The following RNF144A variants were observed in gnomAD, a reference collection of about 807,000 sequenced individuals.
RNF144A encodes ring finger protein 144A.
Under a neutral mutation model 38.7 loss-of-function variants are expected in RNF144A, and 11 were observed. The ratio of observed to expected loss-of-function variants is 0.28; its 90% CI spans 0.18 to 0.47. RNF144A has a LOEUF of 0.47. Ranked by LOEUF, RNF144A falls within the 20% of genes least tolerant of loss-of-function variation. The probability of loss-of-function intolerance (pLI) is 0.99; values close to 1 mark genes in which losing one functional copy is unlikely to be tolerated. For synonymous variants in RNF144A, 149 were observed against 143.9 expected, an observed-to-expected ratio of 1.04 and a Z score of -0.25; for missense variants, 316 against 377.2, an observed-to-expected ratio of 0.84 and a Z score of 1.34.
At position 7,043,717 on chromosome 2, in the gene RNF144A, A is replaced by G. The variant is rs892394962; in HGVS notation, c.*3957A>G. 2 of 985,620 alleles carry G rather than the reference A, an allele frequency of 2.0e-6. No individual in the cohort carries two copies. Among genetic ancestry groups the G allele is most frequent in the Admixed American group, 1.2e-4 (2 of 16,256 alleles). The allele number at this position is 985,620 out of a possible 1,614,324, so 61.1% of individuals were successfully genotyped here. On this transcript the variant is annotated 3_prime_UTR_variant, in exon 9 of 9. Transcript: ENST00000320892. ...AGCATGCCGTCTTGATGTTTAAAAA[A>G]CCCAGGGTCTCCACCCTTCCTTTGA...
At chr2:7,018,500 C>T (rs1160216044) in intron 5 of RNF144A, among the ~76,000 whole-genome samples, 1 of 152,208 alleles carries the variant, frequency 6.6e-6, no homozygotes, top group East Asian at 1.9e-4. Context: ...CACTGCTCAG[C>T]GTGGCGCTCA....
intron 7 of RNF144A, among the ~76,000 whole-genome samples, chr2:7,028,616 G>A (rs181056088): frequency 3.9e-5 from 6 of 152,324 alleles, no homozygotes; most frequent in African/African-American, 9.6e-5. Context: ...CATTGTGAGA[G>A]GCAGTCTGGA....
At chr2:6,925,728 G>A (rs1298238260) in intron 1 of RNF144A, among the ~76,000 whole-genome samples, 1 of 152,184 alleles carries the variant, frequency 6.6e-6, no homozygotes, top group Non-Finnish European at 1.5e-5. Flanking sequence ...CTTCAGTCAT[G>A]TTGGATTAGG....
At chr2:6,945,338 C>A (rs988352482) in intron 2 of RNF144A, among the ~76,000 whole-genome samples, 1 of 151,838 alleles carries the variant, frequency 6.6e-6, no homozygotes, top group Non-Finnish European at 1.5e-5. Flanking sequence ...GGTATTGTTA[C>A]AATCAATCAT....
chr2:6,987,703 G>C (rs191808913), intron 2 of RNF144A, among the ~76,000 whole-genome samples: 34 of 152,288 alleles, frequency 2.2e-4, no homozygotes, highest in Non-Finnish European at 4.1e-4. Flanking sequence ...TGTTTCTCTA[G>C]TGAATTTGTC....
chr2:6,927,462 C>A (rs182216021), intron 1 of RNF144A, among the ~76,000 whole-genome samples: 6 of 152,352 alleles, frequency 3.9e-5, no homozygotes, highest in Middle Eastern at 6.8e-3. Flanking sequence ...CCAGCCTAGG[C>A]GACTGATCAG....
At chr2:6,924,981 A>C (rs1358674981) in intron 1 of RNF144A, among the ~76,000 whole-genome samples, 2 of 152,054 alleles carry the variant, frequency 1.3e-5, no homozygotes, top group Admixed American at 1.3e-4. Flanking sequence ...TCTTTGACGG[A>C]TGGAGAATGT....
At chr2:6,965,293 G>A (rs1215528623) in intron 2 of RNF144A, among the ~76,000 whole-genome samples, 1 of 152,184 alleles carries the variant, frequency 6.6e-6, no homozygotes, top group Non-Finnish European at 1.5e-5. Context: ...TGAGGAGGGT[G>A]TGTCGGAGGC....
downstream of RNF144A, among the ~76,000 whole-genome samples, chr2:7,071,352 T>G (rs1656999694): frequency 6.6e-6 from 1 of 152,194 alleles, no homozygotes; most frequent in African/African-American, 2.4e-5. Flanking sequence ...TGGGAGGCAC[T>G]GCAGAGTTCC....
intron 7 of RNF144A, among the ~76,000 whole-genome samples, chr2:7,025,015 T>G (rs906388584): frequency 6.6e-6 from 1 of 152,150 alleles, no homozygotes. Context: ...GCTGTTGGGC[T>G]TGGGGCCAGT....
Position 7,042,507 on chromosome 2 carries a change from G to A in RNF144A, c.*2747G>A, listed in dbSNP as rs1052079226. On this transcript the variant is annotated 3_prime_UTR_variant, in exon 9 of 9. Coordinates refer to ENST00000320892, the MANE Select transcript of RNF144A (RefSeq NM_014746.6). Reference sequence around the variant, plus strand: ...CGAAGGCCCTTAGACAACCATGGCTGCTGTACTGCCGCCCAGGGTGGGTGG... The same window carrying A: ...CGAAGGCCCTTAGACAACCATGGCTACTGTACTGCCGCCCAGGGTGGGTGG... 18 of 985,420 alleles carry A rather than the reference G, an allele frequency of 1.8e-5. No homozygotes were observed. The African/African-American group carries it at 2.8e-4, about 15-fold the overall frequency. 61.0% of individuals were successfully genotyped at this position (985,420 alleles called of 1,614,324 possible).
At chr2:6,935,558 GTAACAGCAT>G (rs937117796) in intron 1 of RNF144A, among the ~76,000 whole-genome samples, 14 of 152,076 alleles carry the variant, frequency 9.2e-5, no homozygotes, top group African/African-American at 3.1e-4. Flanking sequence ...AGTGTTAATG[GTAACAGCAT>G]GTAGATGGGA....
intron 3 of RNF144A, among the ~76,000 whole-genome samples, chr2:7,004,004 C>G (rs1364500369): frequency 1.3e-5 from 2 of 152,214 alleles, no homozygotes; most frequent in Non-Finnish European, 2.9e-5. Context: ...GAATGGGGAA[C>G]CTTGGGCAAG....
chr2:7,053,283 AG>A (rs1673599119), intron 6 of RNF144A, among the ~76,000 whole-genome samples: 1 of 152,346 alleles, frequency 6.6e-6, no homozygotes, highest in East Asian at 1.9e-4. Context: ...GATTTTCAGA[AG>A]ATCCCCAGGT....
chr2:7,043,779 C>T lies in RNF144A; in HGVS notation c.*4019C>T. The T allele has an allele frequency of 1.0e-6, 1 of 985,872 alleles. No homozygotes were observed. The highest frequency in any genetic ancestry group is 1.7e-5 in the African/African-American group (1 of 57,366). The allele number at this position is 985,872 out of a possible 1,614,324, so 61.1% of individuals were successfully genotyped here. A position where few individuals can be genotyped will look rare whatever the true frequency, so the allele number is the denominator to read the frequency against. ...CTGTCTTCCACAGTTCCGGAGCCTT[C>T]AGTGAGGGGTAGCTACATGCCCCAT... On this transcript the variant is annotated 3_prime_UTR_variant, in exon 9 of 9. Transcript: ENST00000320892.
In RNF144A at chr2:7,041,608, C is replaced by T. The variant is rs995059819; in HGVS notation, c.*1848C>T. The T allele has an allele frequency of 1.8e-5, 18 of 985,754 alleles. No individual in the cohort carries two copies. Among genetic ancestry groups the T allele is most frequent in the Middle Eastern group, 5.2e-4 (1 of 1,938 alleles). 61.1% of individuals were successfully genotyped at this position (985,754 alleles called of 1,614,324 possible). On this transcript the variant is annotated 3_prime_UTR_variant, in exon 9 of 9. Transcript: ENST00000320892. The stretch of plus-strand genomic sequence containing the variant: ...TCTGGAGGTGGGTGGCAACTCCACG[C>T]GGGAGTCATTGGCTGGGCTTGAGCC...
At chr2:6,967,349 A>G (rs186188257) in intron 2 of RNF144A, among the ~76,000 whole-genome samples, 1 of 152,382 alleles carries the variant, frequency 6.6e-6, no homozygotes, top group African/African-American at 2.4e-5. Flanking sequence ...TCTGCTACAG[A>G]AAACTTCCCT....
downstream of RNF144A, among the ~76,000 whole-genome samples, chr2:7,071,756 A>G (rs1049900109): frequency 5.3e-5 from 8 of 152,230 alleles, no homozygotes; most frequent in South Asian, 4.1e-4. Flanking sequence ...GTCACTCAAC[A>G]AAACAGTCAT....
chr2:7,019,167 TAGACCCTACACA>T (rs1021732879), intron 5 of RNF144A, among the ~76,000 whole-genome samples: 2 of 152,210 alleles, frequency 1.3e-5, no homozygotes, highest in Non-Finnish European at 2.9e-5. Flanking sequence ...ATTTCAAAGC[TAGACCCTACACA>T]AGATGGTTTC....
Sources: gnomAD v4.1 joint callset for allele counts (sites outside exome capture counted in the v4.1 genomes callset) on GRCh38, gnomAD v4.1.1 for gene constraint, MANE v1.5 for transcripts, NCBI Gene and HGNC (gene_info 2026-07-23, HGNC 2026-07-21) for gene names.